The following PRAM1 variants were observed in gnomAD, a reference collection of about 807,000 sequenced individuals.
PRAM1 encodes the protein PML-RARA-regulated adapter molecule 1.
PRAM1 carries 41 observed loss-of-function variants against 55.3 expected under a neutral mutation model. That is an observed-to-expected ratio of 0.74 (90% confidence interval 0.58 to 0.96). The LOEUF (loss-of-function observed/expected upper bound fraction) is 0.96. Ranked by LOEUF, PRAM1 falls within the 40% of genes least tolerant of loss-of-function variation. The probability of loss-of-function intolerance (pLI) is 0.00; values close to 1 mark genes in which losing one functional copy is unlikely to be tolerated. For synonymous variants in PRAM1, 401 were observed against 387.1 expected (o/e 1.04, Z -0.42); for missense variants, 898 against 892.7 (o/e 1.01, Z -0.08).
chr19:8,502,373 C>T (rs1308153564), intron 1 of PRAM1, among the ~76,000 whole-genome samples, 192 bp downstream of exon 1: 9 of 152,176 alleles, frequency 5.9e-5, no homozygotes, highest in Non-Finnish European at 1.0e-4. Context: ...CAGGAGCCCG[C>T]GCTGTCCTGG....
At position 8,499,003 on chromosome 19, in the gene PRAM1, A is replaced by C. The variant is rs746454471; in HGVS notation, c.805T>G (p.Phe269Val). The C allele has an allele frequency of 1.9e-6, 3 of 1,613,182 alleles. No homozygotes were observed. Among genetic ancestry groups the C allele is most frequent in the Non-Finnish European group, 2.5e-6 (3 of 1,179,706 alleles). The change falls in exon 2 of 10, where the codon TTT (phenylalanine) becomes GTT (valine). Residue 269 changes from phenylalanine to valine, a missense_variant. Phe to Val is a conservative substitution (Grantham distance 50). This residue lies in a region of PRAM1 where 787 missense variants were observed against 735.4 expected (regional missense o/e 1.07). Transcript: ENST00000423345. ...SSEPKRDSSA[F>V]PKKASQPPLS... The stretch of plus-strand genomic sequence containing the variant: ...GGAGGCTGGGAGGCCTTTTTGGGAA[A>C]GGCGCTGGAGTCGCGCTTCGGCTCG...
chr19:8,490,439 C>G lies in PRAM1; in HGVS notation c.1940+37G>C, dbSNP rs1469463162. The G allele has an allele frequency of 1.2e-6, 2 of 1,613,400 alleles. No individual in the cohort carries two copies. Among genetic ancestry groups the G allele is most frequent in the South Asian group, 2.2e-5 (2 of 91,020 alleles). ...ATTCCCCCCACCCTGCACCACACAC[C>G]CCGCACTCCCCCACCACGGTCAGGG... On this transcript the variant is annotated intron_variant, in intron 8 of 9. Coordinates refer to ENST00000423345, the MANE Select transcript of PRAM1 (RefSeq NM_032152.5). The surrounding 1 kb of genome is among the most constrained non-coding windows in gnomAD (Gnocchi z 7.3).
intron 1 of PRAM1, among the ~76,000 whole-genome samples, chr19:8,500,034 C>A (rs1971784339): frequency 1.3e-5 from 2 of 152,110 alleles, no homozygotes; most frequent in Admixed American, 1.3e-4. Flanking sequence ...ATCCCTCCTG[C>A]AGCCTCCAGT....
chr19:8,490,438 C>T lies in PRAM1; in HGVS notation c.1940+38G>A. On this transcript the variant is annotated intron_variant, in intron 8 of 9. Coordinates refer to ENST00000423345, the MANE Select transcript of PRAM1 (RefSeq NM_032152.5). This position sits in a 1 kb window ranked among gnomAD's most constrained non-coding sequence, Gnocchi z 7.3. ...CATTCCCCCCACCCTGCACCACACA[C>T]CCCGCACTCCCCCACCACGGTCAGG... 2 of 1,613,384 alleles carry T rather than the reference C, an allele frequency of 1.2e-6. No homozygotes were observed. The highest frequency in any genetic ancestry group is 1.6e-4 in the Middle Eastern group (1 of 6,062).
rs1971729227 is a variant in PRAM1 at position 8,498,259 on chromosome 19, A to G, written c.1463T>C (p.Leu488Pro). 1 of 1,612,798 alleles carries G rather than the reference A, an allele frequency of 6.2e-7. No homozygotes were observed. Among genetic ancestry groups the G allele is most frequent in the Non-Finnish European group, 8.5e-7 (1 of 1,179,572 alleles). Reference protein sequence around the residue: ...DLRRTRSAAGLHFQDRQPEDI... With the variant: ...DLRRTRSAAGPHFQDRQPEDI... Reference sequence around the variant, plus strand: ...TTCAGGCTGTCGGTCCTGGAAGTGGAGCCCAGCGGCCGAGCGGGTCCTCCG... The same window carrying G: ...TTCAGGCTGTCGGTCCTGGAAGTGGGGCCCAGCGGCCGAGCGGGTCCTCCG... The change falls in exon 3 of 10, where the codon CTC becomes CCC. Residue 488 changes from leucine (L) to proline (P), a missense_variant. By Grantham distance (98) the Leu-to-Pro change is moderately conservative. Around this residue, in one of 4 missense-constraint regions of PRAM1, gnomAD observed 787 missense variants for 735.4 expected, o/e 1.07. Coordinates refer to ENST00000423345, the MANE Select transcript of PRAM1 (RefSeq NM_032152.5).
Position 8,498,294 on chromosome 19 carries a change from G to C in PRAM1, c.1433-5C>G, listed in dbSNP as rs774035678. 2 of 1,611,340 alleles carry C rather than the reference G, an allele frequency of 1.2e-6. No homozygotes were observed. The highest frequency in any genetic ancestry group is 3.3e-5 in the Admixed American group (2 of 59,738). On this transcript the variant is annotated splice_polypyrimidine_tract_variant and splice_region_variant and intron_variant, in intron 2 of 9. Coordinates refer to ENST00000423345, the MANE Select transcript of PRAM1 (RefSeq NM_032152.5). The stretch of plus-strand genomic sequence containing the variant: ...CCGAGCGGGTCCTCCGTAGATCTGT[G>C]GGGTAGAGAGTAGGGCAGGGAAGCC...
Position 8,490,194 on chromosome 19 carries a change from G to A in PRAM1, c.2008C>T (p.Arg670Trp), listed in dbSNP as rs181508170. 3.8e-4 allele frequency: 600 copies of A among 1,584,458 alleles called. 3 individuals are homozygous for A. The highest frequency in any genetic ancestry group is 1.7e-3 in the Middle Eastern group (10 of 5,948). Residue 670 changes from arginine to tryptophan, a missense_variant, in exon 10 of 10, where the codon CGG (arginine) becomes TGG (tryptophan). Arg to Trp is a moderately radical substitution (Grantham distance 101). Transcript: ENST00000423345. The surrounding 1 kb of genome is among the most constrained non-coding windows in gnomAD (Gnocchi z 7.3). ...TGGCCCCACGCCTACCGGTCTTACC[G>A]TCCCAGGGGGAGTGGTTGGTTTTCC... ...PLENQPLPLG[R>W]
rs1363322088 is a variant in PRAM1, at chr19:8,490,886, C to T, written c.1743+1G>A. On this transcript the variant is annotated splice_donor_variant, in intron 6 of 9. Transcript: ENST00000423345. LOFTEE classifies it high-confidence loss of function. This position sits in a 1 kb window ranked among gnomAD's most constrained non-coding sequence, Gnocchi z 7.3. ...ACTCCTGCTTAGCTCAGAGGCCTCA[C>T]CTTGAACTTCTTCCGGAACTCCCTC... The T allele has an allele frequency of 6.2e-7, 1 of 1,613,114 alleles. No individual in the cohort carries two copies. Among genetic ancestry groups the T allele is most frequent in the African/African-American group, 1.3e-5 (1 of 74,910 alleles).
At position 8,491,102 on chromosome 19, in the gene PRAM1, G is replaced by A; in HGVS notation, c.1632C>T (p.Leu544=). Residue 544 remains leucine (L), a splice_region_variant and synonymous_variant, in exon 5 of 10, where the codon CTC becomes CTT. Transcript: ENST00000423345. ...CCCACCCCCTCTGCCCATGGCACCTGAGCGCTGGGTCTTGTGGTGGCCTCC... is the reference window on the plus strand; with the variant it reads ...CCCACCCCCTCTGCCCATGGCACCTAAGCGCTGGGTCTTGTGGTGGCCTCC... ...AARRPPQDPA[L]RKEKDPQPQQ... 6.2e-7 allele frequency: 1 copy of A among 1,612,216 alleles called. No homozygotes were observed.
chr19:8,501,318 C>A (rs190923681), intron 1 of PRAM1, among the ~76,000 whole-genome samples: 28 of 151,620 alleles, frequency 1.8e-4, no homozygotes, highest in Non-Finnish European at 3.8e-4. Flanking sequence ...TGGTCTCGAA[C>A]TCCTGACCTC....
In PRAM1 at chr19:8,498,517, G is replaced by A. The variant is rs762997733; in HGVS notation, c.1291C>T (p.Pro431Ser). Residue 431 changes from proline to serine, a missense_variant, in exon 2 of 10, where the codon CCA becomes TCA. Transcript: ENST00000423345. ...GGLVHSGGAR[P>S]GLRPSHPPRR... ...GGTGGATGGCTGGGTCTGAGGCCTG[G>A]CCTGGCCCCTCCACTGTGAACCAGG... 4.4e-5 allele frequency: 70 copies of A among 1,604,936 alleles called. No homozygotes were observed. Among genetic ancestry groups the A allele is most frequent in the Non-Finnish European group, 5.6e-5 (66 of 1,176,044 alleles).
At chr19:8,501,507 A>ATTTTTTTTTTTTTTTT (rs773534887) in intron 1 of PRAM1, among the ~76,000 whole-genome samples, 2 of 102,858 alleles carry the variant, frequency 1.9e-5, no homozygotes, top group South Asian at 3.2e-4. Flanking sequence ...ATGTGTCTTG[A>ATTTTTTTTTTTTTTTT]TTTTTTTTTT....
intron 3 of PRAM1, 74 bp from the exon 4 acceptor site, chr19:8,497,914 G>C: frequency 1.1e-6 from 1 of 919,846 alleles, no homozygotes. Flanking sequence ...GTTTTTCTCT[G>C]TTGCCCAGGC....
At position 8,498,719 on chromosome 19, in the gene PRAM1, G is replaced by A. The variant is rs756150425; in HGVS notation, c.1089C>T (p.Ser363=). The change falls in exon 2 of 10, where the codon AGC becomes AGT. Residue 363 remains serine (S), a synonymous_variant. Coordinates refer to ENST00000423345, the MANE Select transcript of PRAM1 (RefSeq NM_032152.5). The part of the protein sequence containing the change: ...PPRKFSQPEP[S]AVLKRHPQPE... ...GCTGCGGGTGTCTCTTGAGGACAGCGCTGGGCTCAGGCTGTGAGAACTTGC... is the reference window on the plus strand; with the variant it reads ...GCTGCGGGTGTCTCTTGAGGACAGCACTGGGCTCAGGCTGTGAGAACTTGC... 2 of 1,589,292 alleles carry A rather than the reference G, an allele frequency of 1.3e-6. No homozygotes were observed. The highest frequency in any genetic ancestry group is 1.1e-5 in the South Asian group (1 of 88,106).
chr19:8,490,145 G>A lies in PRAM1; in HGVS notation c.*44C>T, dbSNP rs749292731. The A allele has an allele frequency of 3.4e-5, 51 of 1,488,398 alleles. No individual in the cohort carries two copies. Among genetic ancestry groups the A allele is most frequent in the African/African-American group, 2.7e-4 (19 of 71,690 alleles). 92.2% of individuals were successfully genotyped at this position (1,488,398 alleles called of 1,614,324 possible). Reference sequence around the variant, plus strand: ...CGGGATCCAGGGCTCCTGGGTGAGCGGGCGCTGGGCTGGCTGGCTGTCCTG... The same window carrying A: ...CGGGATCCAGGGCTCCTGGGTGAGCAGGCGCTGGGCTGGCTGGCTGTCCTG... On this transcript the variant is annotated 3_prime_UTR_variant, in exon 10 of 10. Coordinates refer to ENST00000423345, the MANE Select transcript of PRAM1 (RefSeq NM_032152.5). This position sits in a 1 kb window ranked among gnomAD's most constrained non-coding sequence, Gnocchi z 7.3.
chr19:8,501,665 C>G (rs900862315), intron 1 of PRAM1, among the ~76,000 whole-genome samples: 1 of 152,096 alleles, frequency 6.6e-6, no homozygotes, highest in African/African-American at 2.4e-5. Context: ...AATATTCAGG[C>G]AGCACAAAGA....
Position 8,498,916 on chromosome 19 carries a change from AG to A in PRAM1, c.891del (p.Ser298GlnfsTer180). 6.2e-7 allele frequency: 1 copy of A among 1,613,308 alleles called. No individual in the cohort carries two copies. On this transcript the variant is annotated frameshift_variant, in exon 2 of 10. Coordinates refer to ENST00000423345, the MANE Select transcript of PRAM1 (RefSeq NM_032152.5). LOFTEE classifies it high-confidence loss of function. The part of the protein sequence containing the change: ...QPELGDLTRT[S>X]SEPEVSVLPK... ...GGAAGCACGCTGACTTCGGGCTCTG[AG>A]GAGGTCCTGGTGAGGTCCCCAAGCT... is the stretch of plus-strand genomic sequence containing the variant.
In PRAM1 at chr19:8,493,397, G is replaced by A. The variant is rs1971655955; in HGVS notation, c.1577-2240C>T. On this transcript the variant is annotated intron_variant, in intron 4 of 9. Coordinates refer to ENST00000423345, the MANE Select transcript of PRAM1 (RefSeq NM_032152.5). The surrounding 1 kb of genome is among the most constrained non-coding windows in gnomAD (Gnocchi z 4.1). Reference sequence around the variant, plus strand: ...CCTCCAGCTGCTCCTGCCTCTCAGAGGCTTCCCTGGCCGTGAGCAGTCACT... The same window carrying A: ...CCTCCAGCTGCTCCTGCCTCTCAGAAGCTTCCCTGGCCGTGAGCAGTCACT... Among the ~76,000 whole-genome samples, 1 of 152,180 alleles carries A rather than the reference G, an allele frequency of 6.6e-6. No individual in the cohort carries two copies. The highest frequency in any genetic ancestry group is 1.5e-5 in the Non-Finnish European group (1 of 68,030).
rs138708138 is a variant in PRAM1, at chr19:8,502,457, A to ACCCCCCCCC, written c.27+107_27+108insGGGGGGGGG. 1.0e-3 allele frequency: 493 copies of ACCCCCCCCC among 470,132 alleles called. 2 individuals carry two copies. Among genetic ancestry groups the ACCCCCCCCC allele is most frequent in the Non-Finnish European group, 1.3e-3 (334 of 263,482 alleles). The allele number at this position is 470,132 out of a possible 1,614,324, so 29.1% of individuals were successfully genotyped here. A position where few individuals can be genotyped will look rare whatever the true frequency, so the allele number is the denominator to read the frequency against. On this transcript the variant is annotated intron_variant, in intron 1 of 9. Transcript: ENST00000423345. ...CGTTTCCCAGATGTCTTTCGCAGCCACCCCCCGCCCCCCCGCCCGCCCCTC... is the reference window on the plus strand; with the variant it reads ...CGTTTCCCAGATGTCTTTCGCAGCCACCCCCCCCCCCCCCCGCCCCCCCGCCCGCCCCTC...
Sources: allele counts gnomAD v4.1 joint callset (sites outside exome capture counted in the v4.1 genomes callset), GRCh38; gene constraint gnomAD v4.1.1; regional missense constraint gnomAD v4.1.1; non-coding constraint Gnocchi (gnomAD v3.1); transcripts MANE v1.5; gene names NCBI Gene and HGNC (gene_info 2026-07-23, HGNC 2026-07-21).